HERC4: variants seen among roughly 807,000 people sequenced by gnomAD.
HERC4 encodes the protein probable E3 ubiquitin-protein ligase HERC4.
Under a neutral mutation model 124.3 loss-of-function variants are expected in HERC4, and 28 were observed. That is an observed-to-expected ratio of 0.23 (90% confidence interval 0.17 to 0.31). HERC4 has a LOEUF of 0.31. HERC4 is among the 10% of genes least tolerant of loss of function. The pLI, the probability that HERC4 is intolerant of heterozygous loss-of-function variation, is 1.00. For synonymous variants in HERC4, 407 were observed against 421.5 expected, an observed-to-expected ratio of 0.97 and a Z score of 0.42; for missense variants, 713 against 1,229.3, an observed-to-expected ratio of 0.58 and a Z score of 6.28.
At chr10:67,925,379 C>T (rs1362956115) in intron 23 of HERC4, among the ~76,000 whole-genome samples, 192 bp from the exon 24 acceptor site, 1 of 152,146 alleles carries the variant, frequency 6.6e-6, no homozygotes, top group Non-Finnish European at 1.5e-5. Flanking sequence ...CACCAGAAAT[C>T]TTTCCTAGCA....
At chr10:67,953,982 T>A (rs2033979818) in intron 19 of HERC4, among the ~76,000 whole-genome samples, 1 of 152,194 alleles carries the variant, frequency 6.6e-6, no homozygotes, top group African/African-American at 2.4e-5. Flanking sequence ...CTATCTAAAT[T>A]TCTTTCAAGT....
At chr10:68,046,589 AAGG>A (rs1238804616) in intron 3 of HERC4, among the ~76,000 whole-genome samples, 1 of 152,244 alleles carries the variant, frequency 6.6e-6, no homozygotes, top group African/African-American at 2.4e-5. Flanking sequence ...GCCTATGGAA[AAGG>A]AGGTGAGATA....
chr10:67,969,504 C>T (rs569798872), intron 15 of HERC4, among the ~76,000 whole-genome samples: 38 of 152,194 alleles, frequency 2.5e-4, no homozygotes, highest in African/African-American at 8.4e-4. Context: ...ATATCAAGAG[C>T]CTCTCTCAAT....
At chr10:67,998,300 C>G (rs1319799690) in intron 9 of HERC4, among the ~76,000 whole-genome samples, 1 of 151,276 alleles carries the variant, frequency 6.6e-6, no homozygotes, top group African/African-American at 2.4e-5. Context: ...GTAATCCCAG[C>G]ATTTTGGGAG....
chr10:68,070,186 A>T, intron 3 of HERC4: 1 of 984,900 alleles, frequency 1.0e-6, no homozygotes, highest in African/African-American at 1.7e-5. Flanking sequence ...TTATCTTTTA[A>T]TCCAGTCCTC....
rs1418691552 is a variant in HERC4 at position 67,927,417 on chromosome 10, TATATATATATATA to T, written c.2839-2243_2839-2231del. On this transcript the variant is annotated intron_variant, in intron 23 of 24. Coordinates refer to ENST00000373700, the MANE Select transcript of HERC4 (RefSeq NM_015601.4). ...ATATATATATATATATATATATATA[TATATATATATATA>T]TTTTTTTTTTTTTTTAGATAGAGTC... Among the ~76,000 whole-genome samples the T allele has an allele frequency of 8.5e-3, 96 of 11,304 alleles. 4 individuals carry two copies. The highest frequency in any genetic ancestry group is 0.021 in the African/African-American group (76 of 3,560). 7.4% of individuals were successfully genotyped at this position (11,304 alleles called of 152,430 possible).
At chr10:68,009,399 G>A (rs543355620) in intron 9 of HERC4, among the ~76,000 whole-genome samples, 2 of 152,080 alleles carry the variant, frequency 1.3e-5, no homozygotes, top group Admixed American at 6.5e-5. Flanking sequence ...ACAGGCATGA[G>A]CCACTGTGCC....
At chr10:68,009,927 G>A (rs932368796) in intron 9 of HERC4, among the ~76,000 whole-genome samples, 1 of 152,118 alleles carries the variant, frequency 6.6e-6, no homozygotes, top group South Asian at 2.1e-4. Flanking sequence ...TGGATGAGGA[G>A]TATTTTTCTT....
intron 1 of HERC4, chr10:68,074,208 CT>C (rs2041701793): frequency 1.3e-5 from 2 of 152,194 alleles, no homozygotes; most frequent in Admixed American, 1.3e-4. Context: ...CATACGTAGA[CT>C]TTTAAACACA....
chr10:67,940,965 C>T lies in HERC4; in HGVS notation c.2478G>A (p.Leu826=), dbSNP rs1401482389. Residue 826 remains leucine, a synonymous_variant, in exon 20 of 25, where the codon TTG becomes TTA. Coordinates refer to ENST00000373700, the MANE Select transcript of HERC4 (RefSeq NM_015601.4). ...TCCCAACATCAGGCATTAGTTCTTT[C>T]AAATCATCCAAGGATGGCTTCTTTT... The part of the protein sequence containing the change: ...LLKKKPSLDD[L]KELMPDVGRS... 6.2e-7 allele frequency: 1 copy of T among 1,610,974 alleles called. No individual in the cohort carries two copies. The highest frequency in any genetic ancestry group is 1.1e-5 in the South Asian group (1 of 89,854).
chr10:67,934,706 A>G (rs2032174890), intron 22 of HERC4, among the ~76,000 whole-genome samples: 1 of 152,142 alleles, frequency 6.6e-6, no homozygotes. Context: ...TTTTCTCCCA[A>G]AATTTTGGTC....
At chr10:67,948,979 C>A (rs1435205768) in intron 19 of HERC4, among the ~76,000 whole-genome samples, 1 of 151,774 alleles carries the variant, frequency 6.6e-6, no homozygotes, top group Non-Finnish European at 1.5e-5. Context: ...GTTGGCCAGG[C>A]GCGGTGGCTC....
chr10:67,980,133 T>C (rs1041313263), intron 15 of HERC4, among the ~76,000 whole-genome samples: 1 of 152,076 alleles, frequency 6.6e-6, no homozygotes, highest in Non-Finnish European at 1.5e-5. Context: ...TTTTTTGAGA[T>C]AGAGTTTCGC....
chr10:67,941,669 C>CTTTTTTTTTT (rs755666986), intron 19 of HERC4, among the ~76,000 whole-genome samples: 24 of 91,770 alleles, frequency 2.6e-4, no homozygotes, highest in African/African-American at 9.7e-4. Context: ...TAAAACACAA[C>CTTTTTTTTTT]TTTTTTTTTT....
chr10:67,993,670 T>C (rs1040027466), intron 9 of HERC4: 2 of 152,144 alleles, frequency 1.3e-5, no homozygotes, highest in African/African-American at 4.8e-5. Context: ...TATTTGTCAG[T>C]AAAAGCCAAA....
At chr10:68,053,172 T>G (rs564407545) in intron 3 of HERC4, among the ~76,000 whole-genome samples, 40 of 152,322 alleles carry the variant, frequency 2.6e-4, no homozygotes, top group African/African-American at 9.1e-4. Flanking sequence ...ATTGAATCAT[T>G]GCCCCCGAAG....
Position 67,932,460 on chromosome 10 carries a change from G to A in HERC4, c.2838+137C>T. 3 of 669,106 alleles carry A rather than the reference G, an allele frequency of 4.5e-6. No individual in the cohort carries two copies. The South Asian group carries it at 5.8e-5, about 13-fold the overall frequency. 41.4% of individuals were successfully genotyped at this position (669,106 alleles called of 1,614,324 possible). A position where few individuals can be genotyped will look rare whatever the true frequency, so the allele number is the denominator to read the frequency against. ...TATACCGTTCAAATCCATTCATTGT[G>A]GAGTTTGAAGGGTAGAGTGCTTTCC... On this transcript the variant is annotated intron_variant, in intron 23 of 24. Transcript: ENST00000373700.
At chr10:67,963,655 T>C (rs2034667662) in intron 16 of HERC4, among the ~76,000 whole-genome samples, 1 of 152,236 alleles carries the variant, frequency 6.6e-6, no homozygotes, top group Admixed American at 6.5e-5. Flanking sequence ...ATTGTTCTTC[T>C]TTAAAAGGGT....
Position 67,940,833 on chromosome 10 carries a change from A to T in HERC4, c.2504+106T>A, listed in dbSNP as rs187143650. The T allele has an allele frequency of 1.0e-5, 10 of 986,692 alleles. No individual in the cohort carries two copies. The East Asian group carries it at 2.1e-4, about 21-fold the overall frequency. The allele number at this position is 986,692 out of a possible 1,614,324, so 61.1% of individuals were successfully genotyped here. ...GGCATTTGTTTACTTCAGAAATTTA[A>T]CAAGAAGAACAAAATATATTTTTTC... On this transcript the variant is annotated intron_variant, in intron 20 of 24. Coordinates refer to ENST00000373700, the MANE Select transcript of HERC4 (RefSeq NM_015601.4).
Sources: allele counts gnomAD v4.1 joint callset (sites outside exome capture counted in the v4.1 genomes callset), GRCh38; gene constraint gnomAD v4.1.1; transcripts MANE v1.5; gene names NCBI Gene and HGNC (gene_info 2026-07-23, HGNC 2026-07-21).